CDH13: variants seen among roughly 807,000 people sequenced by gnomAD.
CDH13 encodes the protein cadherin 13.
In CDH13, 24 loss-of-function variants were observed where a neutral mutation model predicts 63.8. The ratio of observed to expected loss-of-function variants is 0.38; its 90% CI spans 0.27 to 0.53. CDH13 has a LOEUF of 0.53. CDH13 is among the 20% of genes least tolerant of loss of function. The probability of loss-of-function intolerance (pLI) is 0.85; values close to 1 mark genes in which losing one functional copy is unlikely to be tolerated. For missense variants in CDH13, 1,049 were observed against 903.1 expected (o/e 1.16, Z -2.07); for synonymous variants, 503 against 355.3 (o/e 1.42, Z -4.67).
intron 1 of CDH13, among the ~76,000 whole-genome samples, chr16:82,729,042 CA>C (rs2033255521): frequency 6.6e-6 from 1 of 152,200 alleles, no homozygotes; most frequent in Non-Finnish European, 1.5e-5. Flanking sequence ...AATTCAGTCA[CA>C]TCTTCAGGCT....
chr16:83,665,110 C>T (rs1913815730), intron 8 of CDH13, among the ~76,000 whole-genome samples: 1 of 152,086 alleles, frequency 6.6e-6, no homozygotes, highest in Non-Finnish European at 1.5e-5. Flanking sequence ...TCATTTGCCT[C>T]ATGTCTGTTG....
intron 1 of CDH13, among the ~76,000 whole-genome samples, chr16:82,809,754 C>G (rs967883751): frequency 4.6e-5 from 7 of 152,140 alleles, no homozygotes; most frequent in Non-Finnish European, 8.8e-5. Context: ...TTATACCTTT[C>G]ATTTTCAAGA....
chr16:83,777,444 C>T lies in CDH13; in HGVS notation c.1682-2524C>T, dbSNP rs1036618701. 2.0e-5 allele frequency among the ~76,000 whole-genome samples: 3 copies of T among 152,216 alleles called. No homozygotes were observed. The East Asian group carries it at 5.8e-4, about 29-fold the overall frequency. On this transcript the variant is annotated intron_variant, in intron 11 of 13. Coordinates refer to ENST00000567109, the MANE Select transcript of CDH13 (RefSeq NM_001257.5). Reference sequence around the variant, plus strand: ...GAGTCTTGGCAGAACACCCTGCGGTCCCCCAGCCAGTTTCTCATTGCCTTC... The same window carrying T: ...GAGTCTTGGCAGAACACCCTGCGGTTCCCCAGCCAGTTTCTCATTGCCTTC...
rs185518983 is a variant in CDH13, at chr16:83,037,250, G to A, written c.366+5032G>A. Among the ~76,000 whole-genome samples the A allele has an allele frequency of 4.0e-3, 607 of 152,244 alleles. 2 individuals carry two copies. The highest frequency in any genetic ancestry group is 0.014 in the African/African-American group (583 of 41,540). ...TTTCTAATTCTCACAACCTCCCTGT[G>A]GGGTTACCGAGATTACCCCTTCCTG... is the stretch of plus-strand genomic sequence containing the variant. On this transcript the variant is annotated intron_variant, in intron 3 of 13. Coordinates refer to ENST00000567109, the MANE Select transcript of CDH13 (RefSeq NM_001257.5).
At chr16:83,269,737 C>T (rs932973886) in intron 5 of CDH13, among the ~76,000 whole-genome samples, 2 of 152,170 alleles carry the variant, frequency 1.3e-5, no homozygotes, top group Admixed American at 6.5e-5. Flanking sequence ...CTCTGGCCAC[C>T]TTCCCTTCTC....
intron 2 of CDH13, among the ~76,000 whole-genome samples, chr16:83,026,450 T>C (rs533191772): frequency 9.9e-5 from 15 of 152,264 alleles, no homozygotes; most frequent in African/African-American, 3.4e-4. Flanking sequence ...TGCATTCTCA[T>C]TGGGGCTATA....
chr16:83,050,435 C>G (rs1344536932), intron 3 of CDH13, among the ~76,000 whole-genome samples: 2 of 152,154 alleles, frequency 1.3e-5, no homozygotes, highest in East Asian at 1.9e-4. Context: ...TTGAAATGCT[C>G]TTCCGTTTGC....
intron 10 of CDH13, among the ~76,000 whole-genome samples, chr16:83,714,634 G>A (rs1461053110): frequency 2.6e-5 from 4 of 152,192 alleles, no homozygotes; most frequent in Non-Finnish European, 5.9e-5. Context: ...ATTGTCTATA[G>A]AGACTGTAAC....
rs1364124664 is a variant in CDH13, at chr16:83,570,859, A to T, written c.961-31595A>T. ...TTATATTTTTATATATATAAATATA[A>T]ATATATTTATATATTTATATTTATA... On this transcript the variant is annotated intron_variant, in intron 7 of 13. Transcript: ENST00000567109. Among the ~76,000 whole-genome samples, 21 of 137,618 alleles carry T rather than the reference A, an allele frequency of 1.5e-4. 1 individual carries two copies. In the Admixed American group the frequency reaches 1.6e-3, roughly 10 times the overall value. 90.3% of individuals were successfully genotyped at this position (137,618 alleles called of 152,430 possible). A position where few individuals can be genotyped will look rare whatever the true frequency, so the allele number is the denominator to read the frequency against.
intron 3 of CDH13, among the ~76,000 whole-genome samples, chr16:83,034,751 G>T (rs562015800): frequency 6.6e-6 from 1 of 152,106 alleles, no homozygotes; most frequent in African/African-American, 2.4e-5. Flanking sequence ...GCAGGTTCTC[G>T]GGACCAACCC....
intron 9 of CDH13, among the ~76,000 whole-genome samples, chr16:83,676,131 C>T (rs567499668): frequency 3.7e-4 from 57 of 152,196 alleles, no homozygotes; most frequent in Non-Finnish European, 7.3e-4. Context: ...AACCAGTTGT[C>T]CCCAGCCGAG....
At chr16:83,460,913 G>A (rs553749180) in intron 6 of CDH13, among the ~76,000 whole-genome samples, 1 of 150,864 alleles carries the variant, frequency 6.6e-6, no homozygotes, top group African/African-American at 2.4e-5. Context: ...CTTAAGCCTG[G>A]GCAGTCGAGG....
chr16:83,361,927 A>G (rs758984507), intron 6 of CDH13, among the ~76,000 whole-genome samples: 1 of 152,130 alleles, frequency 6.6e-6, no homozygotes, highest in Non-Finnish European at 1.5e-5. Flanking sequence ...TTGGTTGTAT[A>G]TGAATTTTAA....
intron 6 of CDH13, among the ~76,000 whole-genome samples, chr16:83,413,148 T>A (rs889428006): frequency 6.6e-6 from 1 of 152,220 alleles, no homozygotes; most frequent in Non-Finnish European, 1.5e-5. Context: ...TATAATGTTA[T>A]TGTAATACTC....
At chr16:83,246,872 A>T (rs968428013) in intron 5 of CDH13, among the ~76,000 whole-genome samples, 1 of 152,134 alleles carries the variant, frequency 6.6e-6, no homozygotes. Context: ...AGTCCTTACA[A>T]GTGACATCTT....
At chr16:82,993,426 A>G (rs1489278421) in intron 2 of CDH13, among the ~76,000 whole-genome samples, 1 of 152,180 alleles carries the variant, frequency 6.6e-6, no homozygotes, top group Non-Finnish European at 1.5e-5. Flanking sequence ...AAAACAAAGA[A>G]TGGTCCAGGG....
chr16:83,330,754 A>G (rs1017534489), intron 5 of CDH13, among the ~76,000 whole-genome samples: 9 of 152,298 alleles, frequency 5.9e-5, no homozygotes, highest in African/African-American at 1.9e-4. Flanking sequence ...ACCTCAGCCC[A>G]AATCACTCCT....
At chr16:83,237,334 C>T (rs940591195) in intron 5 of CDH13, among the ~76,000 whole-genome samples, 1 of 152,134 alleles carries the variant, frequency 6.6e-6, no homozygotes, top group African/African-American at 2.4e-5. Context: ...AAGCTAGTGA[C>T]CACGAAACTA....
At chr16:82,640,135 T>C (rs1311540069) in intron 1 of CDH13, among the ~76,000 whole-genome samples, 1 of 152,326 alleles carries the variant, frequency 6.6e-6, no homozygotes, top group Non-Finnish European at 1.5e-5. Flanking sequence ...GTGATAGTGC[T>C]ATAGAAAAAC....
Sources: allele counts gnomAD v4.1 joint callset (sites outside exome capture counted in the v4.1 genomes callset), GRCh38; gene constraint gnomAD v4.1.1; transcripts MANE v1.5; gene names NCBI Gene and HGNC (gene_info 2026-07-23, HGNC 2026-07-21).